Variants in SGCZ observed in about 807,000 individuals in gnomAD.
SGCZ encodes the protein zeta-sarcoglycan.
A neutral mutation model predicts 41.3 loss-of-function variants in SGCZ; 40 were observed. That is an observed-to-expected ratio of 0.97 (90% CI 0.75 to 1.26). SGCZ has a LOEUF of 1.26. SGCZ is among the 50% of genes most tolerant of loss of function. SGCZ has a pLI of 0.00. For synonymous variants in SGCZ, 206 were observed against 137.5 expected (o/e 1.50, Z -3.49); for missense variants, 552 against 369.8 (o/e 1.49, Z -4.04).
At chr8:15,202,797 G>T (rs897165416) in intron 1 of SGCZ, among the ~76,000 whole-genome samples, 1 of 152,074 alleles carries the variant, frequency 6.6e-6, no homozygotes, top group Non-Finnish European at 1.5e-5. Flanking sequence ...CAGGCTCACA[G>T]AGTAAATAAA....
intron 1 of SGCZ, among the ~76,000 whole-genome samples, chr8:14,871,749 A>C (rs1305459981): frequency 6.6e-6 from 1 of 151,984 alleles, no homozygotes; most frequent in Non-Finnish European, 1.5e-5. Context: ...GGTTGCAGTG[A>C]GCTGAGTTTG....
intron 3 of SGCZ, among the ~76,000 whole-genome samples, chr8:14,316,683 G>A (rs1801727044): frequency 6.6e-6 from 1 of 151,776 alleles, no homozygotes; most frequent in South Asian, 2.1e-4. Context: ...GTCTTAGACT[G>A]TGATTGGCTG....
chr8:14,185,306 G>A (rs1405924298), intron 4 of SGCZ, among the ~76,000 whole-genome samples: 2 of 152,076 alleles, frequency 1.3e-5, no homozygotes, highest in Non-Finnish European at 2.9e-5. Flanking sequence ...CGCAGGCTGA[G>A]GGAGAAGAAT....
At chr8:14,468,868 T>C (rs1801128533) in intron 2 of SGCZ, among the ~76,000 whole-genome samples, 1 of 152,102 alleles carries the variant, frequency 6.6e-6, no homozygotes, top group African/African-American at 2.4e-5. Flanking sequence ...TAACAAATAA[T>C]GAATATAAAG....
intron 1 of SGCZ, among the ~76,000 whole-genome samples, chr8:14,907,190 A>G (rs965926966): frequency 2.6e-5 from 4 of 152,070 alleles, no homozygotes; most frequent in African/African-American, 9.7e-5. Context: ...CATATGTTTT[A>G]CAGTTACCCA....
intron 1 of SGCZ, among the ~76,000 whole-genome samples, chr8:15,002,178 A>T (rs1308090942): frequency 6.7e-6 from 1 of 148,748 alleles, no homozygotes; most frequent in Non-Finnish European, 1.5e-5. Flanking sequence ...TGCTTCAGGA[A>T]TGACTTAAGA....
intron 2 of SGCZ, among the ~76,000 whole-genome samples, chr8:14,423,959 C>G (rs1441823627): frequency 6.6e-6 from 1 of 151,772 alleles, no homozygotes; most frequent in Admixed American, 6.6e-5. Flanking sequence ...AATGCAAAAA[C>G]AGAAGAACTA....
Position 14,225,754 on chromosome 8 carries a change from C to T in SGCZ, c.424+11838G>A, listed in dbSNP as rs1011205773. Reference sequence around the variant, plus strand: ...CAGACGAAGCCAACAGCAATGATGGCCACCTCAACTGGAAATTATTTGGAA... The same window carrying T: ...CAGACGAAGCCAACAGCAATGATGGTCACCTCAACTGGAAATTATTTGGAA... On this transcript the variant is annotated intron_variant, in intron 4 of 7. Coordinates refer to ENST00000382080, the MANE Select transcript of SGCZ (RefSeq NM_139167.4). Among the ~76,000 whole-genome samples, 5 of 152,096 alleles carry T rather than the reference C, an allele frequency of 3.3e-5. No homozygotes were observed. In the East Asian group the frequency reaches 9.7e-4, roughly 29 times the overall value.
chr8:14,115,516 C>T (rs1018203060), intron 5 of SGCZ, among the ~76,000 whole-genome samples: 2 of 151,882 alleles, frequency 1.3e-5, no homozygotes, highest in East Asian at 1.9e-4. Context: ...TTTTTACCAC[C>T]TTTACATAAA....
intron 1 of SGCZ, among the ~76,000 whole-genome samples, chr8:14,716,110 A>G (rs1294166831): frequency 6.6e-6 from 1 of 152,112 alleles, no homozygotes; most frequent in Admixed American, 6.6e-5. Flanking sequence ...TGGAACCTAG[A>G]AATTAATTAC....
intron 7 of SGCZ, among the ~76,000 whole-genome samples, chr8:14,097,847 C>G (rs1801892259): frequency 6.6e-6 from 1 of 152,090 alleles, no homozygotes; most frequent in South Asian, 2.1e-4. Context: ...ATGTAATGCC[C>G]TTCTTTGTCT....
chr8:14,132,560 T>C (rs773594762), intron 5 of SGCZ, among the ~76,000 whole-genome samples: 1 of 152,250 alleles, frequency 6.6e-6, no homozygotes, highest in Non-Finnish European at 1.5e-5. Flanking sequence ...ATTTTGTTTA[T>C]ACATTATTTA....
chr8:15,091,935 G>T (rs1281436087), intron 1 of SGCZ, among the ~76,000 whole-genome samples: 2 of 151,850 alleles, frequency 1.3e-5, no homozygotes, highest in African/African-American at 2.4e-5. Flanking sequence ...TGTGTATTTT[G>T]TAGAGACGGG....
intron 1 of SGCZ, among the ~76,000 whole-genome samples, chr8:14,982,721 G>C (rs747245853): frequency 2.0e-5 from 3 of 152,134 alleles, no homozygotes; most frequent in Non-Finnish European, 4.4e-5. Context: ...CATTGCTATA[G>C]AGAAAACTAA....
chr8:14,628,037 T>C (rs541520938), intron 1 of SGCZ, among the ~76,000 whole-genome samples: 2 of 152,122 alleles, frequency 1.3e-5, no homozygotes. Flanking sequence ...CAGTTAAGCA[T>C]AGGCAGGCCT....
chr8:14,357,133 C>T, intron 2 of SGCZ, among the ~76,000 whole-genome samples: 1 of 152,184 alleles, frequency 6.6e-6, no homozygotes, highest in South Asian at 2.1e-4. Flanking sequence ...CCTACACACA[C>T]CTTGATATGT....
chr8:14,672,813 A>ATAGAG (rs112981756), intron 1 of SGCZ, among the ~76,000 whole-genome samples: 1,714 of 152,186 alleles, frequency 0.011, 32 homozygotes, highest in African/African-American at 0.027. Context: ...GCTTTTACTC[A>ATAGAG]TAGAGTATGA....
At chr8:14,446,640 T>C (rs964298431) in intron 2 of SGCZ, among the ~76,000 whole-genome samples, 1 of 152,198 alleles carries the variant, frequency 6.6e-6, no homozygotes, top group Non-Finnish European at 1.5e-5. Context: ...ATTTTGTCAT[T>C]AATTTATATG....
At chr8:15,059,476 C>G (rs541113454) in intron 1 of SGCZ, among the ~76,000 whole-genome samples, 1 of 152,102 alleles carries the variant, frequency 6.6e-6, no homozygotes, top group Admixed American at 6.5e-5. Flanking sequence ...CTTTTAGATC[C>G]TCCATAAAAG....
Sources: allele counts gnomAD v4.1 joint callset (sites outside exome capture counted in the v4.1 genomes callset), GRCh38; gene constraint gnomAD v4.1.1; transcripts MANE v1.5; gene names NCBI Gene and HGNC (gene_info 2026-07-23, HGNC 2026-07-21).